SPIRE2: variants seen among roughly 807,000 people sequenced by gnomAD.
SPIRE2 encodes the protein protein spire homolog 2.
Under a neutral mutation model 80.7 loss-of-function variants are expected in SPIRE2, and 76 were observed. The ratio of observed to expected loss-of-function variants is 0.94; its 90% CI spans 0.78 to 1.14. The LOEUF (loss-of-function observed/expected upper bound fraction) is 1.14. Among genes scored for constraint, SPIRE2 ranks in the 50% most tolerant of loss-of-function variants. The pLI, the probability that SPIRE2 is intolerant of heterozygous loss-of-function variation, is 0.00. For synonymous variants in SPIRE2, 535 were observed against 432.6 expected (o/e 1.24, Z -2.94); for missense variants, 1,196 against 1,015.3 (o/e 1.18, Z -2.42).
At position 89,854,563 on chromosome 16, in the gene SPIRE2, A is replaced by G. The variant is rs778296110; in HGVS notation, c.803A>G (p.Asn268Ser). The change falls in exon 5 of 15, where the codon AAC becomes AGC. Residue 268 changes from asparagine (N) to serine (S), a missense_variant. Coordinates refer to ENST00000378247, the MANE Select transcript of SPIRE2 (RefSeq NM_032451.2). ...AAGAAGGTGCAAGAGCAGGAGTTCA[A>G]CCCCCTCCCCACCGAGTTCCAGCTC... is the stretch of plus-strand genomic sequence containing the variant. ...KLKKVQEQEF[N>S]PLPTEFQLTP... 1.9e-6 allele frequency: 3 copies of G among 1,612,492 alleles called. No homozygotes were observed. Among genetic ancestry groups the G allele is most frequent in the Non-Finnish European group, 2.5e-6 (3 of 1,179,908 alleles).
At chr16:89,854,999 T>G (rs953146052) in intron 5 of SPIRE2, among the ~76,000 whole-genome samples, 1 of 151,866 alleles carries the variant, frequency 6.6e-6, no homozygotes, top group Non-Finnish European at 1.5e-5. Flanking sequence ...AGGGCAATGG[T>G]GCGACCTTGG....
chr16:89,832,255 G>GC (rs2041392803), intron 1 of SPIRE2, among the ~76,000 whole-genome samples: 1 of 152,240 alleles, frequency 6.6e-6, no homozygotes, highest in South Asian at 2.1e-4. Flanking sequence ...GTGGCCTCGA[G>GC]CCCGCAGCCA....
chr16:89,842,333 C>T (rs1312030241), intron 1 of SPIRE2, among the ~76,000 whole-genome samples: 1 of 149,546 alleles, frequency 6.7e-6, no homozygotes, highest in African/African-American at 2.5e-5. Context: ...CTCTCTCAGC[C>T]TCCCAAGTAG....
In SPIRE2 at chr16:89,863,766, C is replaced by G. The variant is rs1215324127; in HGVS notation, c.1711-28C>G. ...GGACCCCAGGGAGCTTTGGACAAAGCGGGGCTCTAACCAGTCTCTCCTGAC... is the reference window on the plus strand; with the variant it reads ...GGACCCCAGGGAGCTTTGGACAAAGGGGGGCTCTAACCAGTCTCTCCTGAC... On this transcript the variant is annotated intron_variant, in intron 11 of 14. Coordinates refer to ENST00000378247, the MANE Select transcript of SPIRE2 (RefSeq NM_032451.2). The surrounding 1 kb of genome is among the most constrained non-coding windows in gnomAD (Gnocchi z 4.3). The G allele has an allele frequency of 6.2e-7, 1 of 1,612,808 alleles. No homozygotes were observed. Among genetic ancestry groups the G allele is most frequent in the South Asian group, 1.1e-5 (1 of 91,050 alleles).
chr16:89,829,032 ACC>A (rs1278020692), intron 1 of SPIRE2, among the ~76,000 whole-genome samples: 1 of 148,198 alleles, frequency 6.7e-6, no homozygotes, highest in South Asian at 2.2e-4. Flanking sequence ...CCCCTCCCGG[ACC>A]CCCCCACCTG....
At chr16:89,848,676 G>T (rs2041589161) in intron 2 of SPIRE2, among the ~76,000 whole-genome samples, 1 of 150,608 alleles carries the variant, frequency 6.6e-6, no homozygotes, top group African/African-American at 2.5e-5. Context: ...CTGCAGGACA[G>T]ATGAGGCAGG....
chr16:89,862,453 A>G (rs1004606965), intron 10 of SPIRE2: 1 of 152,326 alleles, frequency 6.6e-6, no homozygotes, highest in South Asian at 2.1e-4. Context: ...AAGGGGGGCT[A>G]CTGAGCACCA....
Position 89,861,730 on chromosome 16 carries a change from C to G in SPIRE2, c.1575+935C>G, listed in dbSNP as rs183330962. On this transcript the variant is annotated intron_variant, in intron 10 of 14. Coordinates refer to ENST00000378247, the MANE Select transcript of SPIRE2 (RefSeq NM_032451.2). ...CCTGATCTCGACTGAAGGGTCAAAT[C>G]GGGGCTGGAGGAGCCGTCTGAAGTG... Among the ~76,000 whole-genome samples the G allele has an allele frequency of 7.1e-3, 1,086 of 152,292 alleles. 3 individuals carry two copies. The highest frequency in any genetic ancestry group is 0.01 in the Non-Finnish European group (696 of 68,022).
chr16:89,849,183 G>A (rs1053855412), intron 2 of SPIRE2, among the ~76,000 whole-genome samples: 5 of 152,252 alleles, frequency 3.3e-5, no homozygotes, highest in African/African-American at 1.2e-4. Context: ...GGGCCACTGA[G>A]GCAAAGCGGC....
Position 89,868,103 on chromosome 16 carries a change from A to G in SPIRE2, c.1779-86A>G. 3 of 1,444,562 alleles carry G rather than the reference A, an allele frequency of 2.1e-6. No individual in the cohort carries two copies. The South Asian group carries it at 3.4e-5, about 16-fold the overall frequency. 89.5% of individuals were successfully genotyped at this position (1,444,562 alleles called of 1,614,324 possible). ...GAAGGCAAGGATGGTTTGACCTCGGATGCGTGGAGGCCGGGATGCGACTGT... is the reference window on the plus strand; with the variant it reads ...GAAGGCAAGGATGGTTTGACCTCGGGTGCGTGGAGGCCGGGATGCGACTGT... On this transcript the variant is annotated intron_variant, in intron 12 of 14. Transcript: ENST00000378247.
intron 1 of SPIRE2, among the ~76,000 whole-genome samples, chr16:89,838,967 T>C (rs1288885659): frequency 1.3e-5 from 2 of 150,172 alleles, no homozygotes; most frequent in African/African-American, 2.4e-5. Flanking sequence ...TTACCTCAGG[T>C]GATCTATCTG....
Position 89,856,093 on chromosome 16 carries a change from G to C in SPIRE2, c.979-20G>C. Reference sequence around the variant, plus strand: ...CGCAGGTCCTGCTTCCCCACCGCAGGTCTCGCTTCCCCACCGCAGGTCTCT... The same window carrying C: ...CGCAGGTCCTGCTTCCCCACCGCAGCTCTCGCTTCCCCACCGCAGGTCTCT... On this transcript the variant is annotated intron_variant, in intron 6 of 14. Coordinates refer to ENST00000378247, the MANE Select transcript of SPIRE2 (RefSeq NM_032451.2). The C allele has an allele frequency of 6.2e-7, 1 of 1,602,694 alleles. No individual in the cohort carries two copies.
chr16:89,828,680 T>G lies in SPIRE2; in HGVS notation c.130T>G (p.Cys44Gly). 2 of 1,339,456 alleles carry G rather than the reference T, an allele frequency of 1.5e-6. No homozygotes were observed. The highest frequency in any genetic ancestry group is 1.9e-6 in the Non-Finnish European group (2 of 1,037,986). 83.0% of individuals were successfully genotyped at this position (1,339,456 alleles called of 1,614,324 possible). A position where few individuals can be genotyped will look rare whatever the true frequency, so the allele number is the denominator to read the frequency against. ...PLNEEQAWAV[C>G]FQGCRGLRGS... The stretch of plus-strand genomic sequence containing the variant: ...CAACGAGGAGCAGGCGTGGGCCGTG[T>G]GCTTCCAGGGCTGCCGCGGGCTGCG... The change falls in exon 1 of 15, where the codon TGC (cysteine) becomes GGC (glycine). Residue 44 changes from cysteine (C) to glycine (G), a missense_variant. Cys to Gly is a radical substitution (Grantham distance 159). Coordinates refer to ENST00000378247, the MANE Select transcript of SPIRE2 (RefSeq NM_032451.2). This position sits in a 1 kb window ranked among gnomAD's most constrained non-coding sequence, Gnocchi z 5.9.
chr16:89,843,041 C>T (rs2041518992), intron 1 of SPIRE2, among the ~76,000 whole-genome samples: 1 of 152,220 alleles, frequency 6.6e-6, no homozygotes, highest in Admixed American at 6.5e-5. Context: ...TACCTCATTC[C>T]AGAAAGAATT....
chr16:89,841,013 G>T (rs1598219978), intron 1 of SPIRE2, among the ~76,000 whole-genome samples: 1 of 151,540 alleles, frequency 6.6e-6, no homozygotes, highest in Non-Finnish European at 1.5e-5. Context: ...CTAGTCATTT[G>T]TTATTTTACA....
At position 89,850,674 on chromosome 16, in the gene SPIRE2, G is replaced by A. The variant is rs1434967589; in HGVS notation, c.645+14G>A. On this transcript the variant is annotated intron_variant, in intron 3 of 14. Transcript: ENST00000378247. ...GAGGCCAAGGAGGTGAGCGGTGGGT[G>A]GGGGCGACCGTGGAGGGTCCGGGAG... 6.8e-7 allele frequency: 1 copy of A among 1,460,492 alleles called. No individual in the cohort carries two copies. The highest frequency in any genetic ancestry group is 9.0e-7 in the Non-Finnish European group (1 of 1,112,258). The allele number at this position is 1,460,492 out of a possible 1,614,324, so 90.5% of individuals were successfully genotyped here.
intron 9 of SPIRE2, among the ~76,000 whole-genome samples, chr16:89,859,850 G>C (rs369258864): frequency 6.6e-6 from 1 of 151,972 alleles, no homozygotes; most frequent in Non-Finnish European, 1.5e-5. Flanking sequence ...GAGAGCCCTC[G>C]CGACTCAGGG....
At chr16:89,857,745 T>C (rs1206137820) in intron 7 of SPIRE2, among the ~76,000 whole-genome samples, 1 of 151,850 alleles carries the variant, frequency 6.6e-6, no homozygotes, top group African/African-American at 2.4e-5. Context: ...TAATTTTGTA[T>C]TTTTAGTAGA....
chr16:89,842,229 T>TTTTTTTTTTTTTTTTTTTTTTTC (rs1299656862), intron 1 of SPIRE2, among the ~76,000 whole-genome samples: 4 of 137,372 alleles, frequency 2.9e-5, no homozygotes, highest in African/African-American at 1.2e-4. Context: ...TTTTTTTTTT[T>TTTTTTTTTTTTTTTTTTTTTTTC]TGTGACGGAG....
Sources: gnomAD v4.1 joint callset for allele counts (sites outside exome capture counted in the v4.1 genomes callset) on GRCh38, gnomAD v4.1.1 for gene constraint, Gnocchi (gnomAD v3.1) non-coding constraint, MANE v1.5 for transcripts, NCBI Gene and HGNC (gene_info 2026-07-23, HGNC 2026-07-21) for gene names.